TMC1: variants seen among roughly 807,000 people sequenced by gnomAD.
TMC1 encodes the protein transmembrane channel like 1, also known as transmembrane channel-like protein 1.
TMC1 carries 84 observed loss-of-function variants against 105.8 expected under a neutral mutation model. That is an observed-to-expected ratio of 0.79 (90% confidence interval 0.67 to 0.95). The LOEUF (loss-of-function observed/expected upper bound fraction) is 0.95. Among genes scored for constraint, TMC1 ranks in the 40% least tolerant of loss-of-function variants. The pLI is 0.00. For synonymous variants in TMC1, 315 were observed against 311.5 expected, an observed-to-expected ratio of 1.01 and a Z score of -0.12; for missense variants, 817 against 914.1, an observed-to-expected ratio of 0.89 and a Z score of 1.37.
chr9:72,699,412 A>AT (rs1016803311), intron 7 of TMC1, among the ~76,000 whole-genome samples: 26 of 152,304 alleles, frequency 1.7e-4, no homozygotes, highest in African/African-American at 5.8e-4. Flanking sequence ...TGAGAAATAG[A>AT]TTTTTATTTT....
intron 2 of TMC1, among the ~76,000 whole-genome samples, chr9:72,599,044 T>C (rs1459430614): frequency 6.6e-6 from 1 of 152,160 alleles, no homozygotes; most frequent in African/African-American, 2.4e-5. Context: ...TTTTTTTCTT[T>C]TTTTGAGGCA....
chr9:72,584,664 G>T (rs772407481), intron 2 of TMC1, among the ~76,000 whole-genome samples: 5 of 151,718 alleles, frequency 3.3e-5, no homozygotes, highest in Non-Finnish European at 5.9e-5. Flanking sequence ...AGAAAGACAA[G>T]TTTATTTAGA....
rs527678278 is a variant in TMC1 at position 72,761,624 on chromosome 9, C to T, written c.741+6740C>T. On this transcript the variant is annotated intron_variant, in intron 12 of 23. Transcript: ENST00000297784. ...AACAACTGTTTAAGATGGAATATATCATCCCAGATTATTCCTTCTGCCCTG... is the reference window on the plus strand; with the variant it reads ...AACAACTGTTTAAGATGGAATATATTATCCCAGATTATTCCTTCTGCCCTG... Among the ~76,000 whole-genome samples, 96 of 152,290 alleles carry T rather than the reference C, an allele frequency of 6.3e-4. 2 individuals carry two copies. The South Asian group carries it at 0.02, about 31-fold the overall frequency.
chr9:72,563,899 C>CAAAAAAAAA (rs71357586), intron 1 of TMC1, among the ~76,000 whole-genome samples: 1 of 52,154 alleles, frequency 1.9e-5, no homozygotes, highest in African/African-American at 8.0e-5. Flanking sequence ...AACTCTGGCT[C>CAAAAAAAAA]AAAAAAAAAA....
chr9:72,638,821 GTTTA>G (rs1054346653), intron 4 of TMC1, among the ~76,000 whole-genome samples: 10 of 152,264 alleles, frequency 6.6e-5, no homozygotes, highest in African/African-American at 1.9e-4. Flanking sequence ...ACGGTCAAGA[GTTTA>G]TTTATAGAAA....
At chr9:72,576,073 A>G (rs1824374563) in intron 1 of TMC1, among the ~76,000 whole-genome samples, 1 of 152,208 alleles carries the variant, frequency 6.6e-6, no homozygotes, top group African/African-American at 2.4e-5. Flanking sequence ...TGTGCCTGAA[A>G]AGATGGCACC....
chr9:72,657,603 A>G (rs1588016351), intron 5 of TMC1, among the ~76,000 whole-genome samples: 1 of 152,216 alleles, frequency 6.6e-6, no homozygotes, highest in African/African-American at 2.4e-5. Flanking sequence ...TGCCAAATAT[A>G]ATAGATTTTT....
intron 1 of TMC1, among the ~76,000 whole-genome samples, chr9:72,540,544 A>G (rs1823657339): frequency 6.6e-6 from 1 of 151,976 alleles, no homozygotes; most frequent in Non-Finnish European, 1.5e-5. Context: ...ACCTGGCACT[A>G]TTCCTTTCCG....
At chr9:72,612,714 C>A (rs1418803303) in intron 2 of TMC1, among the ~76,000 whole-genome samples, 1 of 152,178 alleles carries the variant, frequency 6.6e-6, no homozygotes, top group Non-Finnish European at 1.5e-5. Flanking sequence ...AAGAAGTTTT[C>A]CATCTACTCT....
intron 11 of TMC1, among the ~76,000 whole-genome samples, 166 bp from the exon 12 acceptor site, chr9:72,754,620 T>A (rs1296640537): frequency 1.9e-4 from 29 of 152,258 alleles, no homozygotes; most frequent in Non-Finnish European, 8.8e-5. Flanking sequence ...TGTTCTTACC[T>A]CTGGATTTAG....
At chr9:72,765,430 G>T (rs966984576) in intron 12 of TMC1, among the ~76,000 whole-genome samples, 2 of 151,928 alleles carry the variant, frequency 1.3e-5, no homozygotes, top group African/African-American at 4.8e-5. Flanking sequence ...GGCTTTACAA[G>T]TATCTTGAAC....
At chr9:72,593,347 T>C (rs1260288453) in intron 2 of TMC1, among the ~76,000 whole-genome samples, 1 of 151,618 alleles carries the variant, frequency 6.6e-6, no homozygotes, top group African/African-American at 2.4e-5. Flanking sequence ...AAGAATAGCC[T>C]GGGCAACATA....
chr9:72,657,404 A>G (rs1305209979), intron 5 of TMC1, among the ~76,000 whole-genome samples: 1 of 152,228 alleles, frequency 6.6e-6, no homozygotes, highest in Non-Finnish European at 1.5e-5. Context: ...AAGAAGGTAA[A>G]TGCATTCCTA....
At chr9:72,550,395 A>G (rs1356901470) in intron 1 of TMC1, among the ~76,000 whole-genome samples, 1 of 151,474 alleles carries the variant, frequency 6.6e-6, no homozygotes, top group Non-Finnish European at 1.5e-5. Flanking sequence ...CAAGGAACCC[A>G]GGAAGCAGAG....
At chr9:72,642,788 T>G (rs1825649175) in intron 4 of TMC1, among the ~76,000 whole-genome samples, 1 of 152,222 alleles carries the variant, frequency 6.6e-6, no homozygotes, top group Non-Finnish European at 1.5e-5. Context: ...AATAAACCCT[T>G]TAAGTTCTAT....
chr9:72,767,217 A>G (rs1827853097), intron 12 of TMC1, among the ~76,000 whole-genome samples: 1 of 152,218 alleles, frequency 6.6e-6, no homozygotes, highest in Non-Finnish European at 1.5e-5. Flanking sequence ...CTCAGCAGAT[A>G]TGCTTAAAAA....
chr9:72,572,932 T>C (rs1824312307), intron 1 of TMC1, among the ~76,000 whole-genome samples: 1 of 152,018 alleles, frequency 6.6e-6, no homozygotes, highest in Admixed American at 6.6e-5. Flanking sequence ...GTGGAGGCTG[T>C]GGTAAGCCAA....
At chr9:72,671,070 C>CACAG (rs1692205189) in intron 5 of TMC1, among the ~76,000 whole-genome samples, 3 of 152,130 alleles carry the variant, frequency 2.0e-5, no homozygotes, top group African/African-American at 7.2e-5. Context: ...TGTTATGTGA[C>CACAG]ACAGTAGCCA....
intron 13 of TMC1, among the ~76,000 whole-genome samples, chr9:72,777,765 G>A (rs1202525520): frequency 6.6e-6 from 1 of 152,192 alleles, no homozygotes; most frequent in Non-Finnish European, 1.5e-5. Flanking sequence ...AAAGTGAGGT[G>A]ATATTGTCAA....
Sources: gnomAD v4.1 joint callset for allele counts (sites outside exome capture counted in the v4.1 genomes callset) on GRCh38, gnomAD v4.1.1 for gene constraint, MANE v1.5 for transcripts, NCBI Gene and HGNC (gene_info 2026-07-23, HGNC 2026-07-21) for gene names.